Variants in PIBF1 observed in about 807,000 individuals in gnomAD.
The protein encoded by PIBF1 is progesterone immunomodulatory binding factor 1.
In PIBF1, 90 loss-of-function variants were observed where a neutral mutation model predicts 112.5. The observed-to-expected ratio is 0.80, with a 90% CI of 0.67 to 0.95. The LOEUF (loss-of-function observed/expected upper bound fraction) is 0.95, where lower values mean the gene tolerates loss of function less well. Among genes scored for constraint, PIBF1 ranks in the 40% least tolerant of loss-of-function variants. The pLI, the probability that PIBF1 is intolerant of heterozygous loss-of-function variation, is 0.00. For synonymous variants in PIBF1, 301 were observed against 288.6 expected, an observed-to-expected ratio of 1.04 and a Z score of -0.44; for missense variants, 915 against 852.3, an observed-to-expected ratio of 1.07 and a Z score of -0.92.
intron 16 of PIBF1, among the ~76,000 whole-genome samples, chr13:72,987,978 T>C (rs2043360980): frequency 6.7e-6 from 1 of 148,968 alleles, no homozygotes; most frequent in Non-Finnish European, 1.5e-5. Context: ...TTCTCCTGCC[T>C]CAGCCTCCCA....
At chr13:72,931,109 A>G (rs1270243408) in intron 13 of PIBF1, 56 bp from the exon 14 acceptor site, 3 of 968,422 alleles carry the variant, frequency 3.1e-6, no homozygotes, top group East Asian at 2.4e-5. Flanking sequence ...CACATTTTGA[A>G]TATTTTGGGC....
chr13:72,879,457 C>T (rs1226796686), intron 10 of PIBF1, among the ~76,000 whole-genome samples: 4 of 152,064 alleles, frequency 2.6e-5, no homozygotes, highest in Admixed American at 2.0e-4. Context: ...GAAATAAACC[C>T]TTGTTGGATA....
At chr13:72,991,251 A>C (rs2043468860) in intron 16 of PIBF1, among the ~76,000 whole-genome samples, 1 of 151,720 alleles carries the variant, frequency 6.6e-6, no homozygotes, top group Non-Finnish European at 1.5e-5. Context: ...AGAACAGTTT[A>C]TCTCTCTCAT....
chr13:72,859,036 A>G (rs1056923601), intron 10 of PIBF1, among the ~76,000 whole-genome samples: 1 of 152,196 alleles, frequency 6.6e-6, no homozygotes, highest in Non-Finnish European at 1.5e-5. Context: ...GGATGTAAGT[A>G]CTTTGATAAA....
chr13:72,819,805 A>C (rs1381588462), intron 5 of PIBF1, among the ~76,000 whole-genome samples: 1 of 152,124 alleles, frequency 6.6e-6, no homozygotes, highest in Non-Finnish European at 1.5e-5. Flanking sequence ...GTTCTCGGTA[A>C]TATTTCTTAG....
At chr13:72,802,132 T>G (rs1177397297) in intron 5 of PIBF1, among the ~76,000 whole-genome samples, 1 of 152,206 alleles carries the variant, frequency 6.6e-6, no homozygotes, top group Non-Finnish European at 1.5e-5. Context: ...GTAGTTAAGT[T>G]TTCAGTGAGT....
intron 5 of PIBF1, among the ~76,000 whole-genome samples, chr13:72,799,403 A>G (rs1023505430): frequency 2.0e-5 from 3 of 152,228 alleles, no homozygotes; most frequent in Non-Finnish European, 4.4e-5. Flanking sequence ...TTCAGACAAA[A>G]TAAGAAGGCT....
At chr13:72,801,940 T>C (rs959301579) in intron 5 of PIBF1, among the ~76,000 whole-genome samples, 5 of 152,218 alleles carry the variant, frequency 3.3e-5, no homozygotes, top group African/African-American at 1.2e-4. Flanking sequence ...TGTAAACAAA[T>C]TATGTAAAAC....
intron 10 of PIBF1, among the ~76,000 whole-genome samples, chr13:72,865,186 GATAATA>G (rs2038872913): frequency 6.6e-6 from 1 of 152,206 alleles, no homozygotes; most frequent in African/African-American, 2.4e-5. Context: ...ATGTATCCTA[GATAATA>G]ATAAAGTTAA....
intron 16 of PIBF1, among the ~76,000 whole-genome samples, chr13:72,975,473 T>G (rs2042998065): frequency 6.6e-6 from 1 of 152,208 alleles, no homozygotes; most frequent in African/African-American, 2.4e-5. Flanking sequence ...AGAGGGGAAC[T>G]GGAAACTATT....
At chr13:72,783,939 T>TCTCCCAAC (rs2034448966) in intron 2 of PIBF1, among the ~76,000 whole-genome samples, 3 of 152,074 alleles carry the variant, frequency 2.0e-5, no homozygotes, top group Non-Finnish European at 4.4e-5. Context: ...GTTGGGGAGA[T>TCTCCCAAC]GTTGGTCAAA....
chr13:72,893,891 C>G lies in PIBF1; in HGVS notation c.1430C>G (p.Thr477Arg). The change falls in exon 11 of 18, where the codon ACA (threonine) becomes AGA (arginine). Residue 477 changes from threonine to arginine, a missense_variant. By Grantham distance (71) the Thr-to-Arg change is moderately conservative (BLOSUM62 -1). Coordinates refer to ENST00000326291, the MANE Select transcript of PIBF1 (RefSeq NM_006346.4). The stretch of plus-strand genomic sequence containing the variant: ...CGTGTTCAACTTCTGCAAGAGGAAA[C>G]AGCAAGAAATCTCACACAGTGTCAA... ...SERVQLLQEETARNLTQCQLE... is the reference protein window; with the variant it reads ...SERVQLLQEERARNLTQCQLE... 1 of 1,608,480 alleles carries G rather than the reference C, an allele frequency of 6.2e-7. No homozygotes were observed. Among genetic ancestry groups the G allele is most frequent in the Non-Finnish European group, 8.5e-7 (1 of 1,177,368 alleles).
chr13:72,979,496 G>A (rs2043102878), intron 16 of PIBF1, among the ~76,000 whole-genome samples: 1 of 152,156 alleles, frequency 6.6e-6, no homozygotes, highest in Admixed American at 6.6e-5. Flanking sequence ...CATGGCTCTT[G>A]GAGCTGTAGA....
chr13:72,881,986 A>G (rs1042812996), intron 10 of PIBF1, among the ~76,000 whole-genome samples: 2 of 152,192 alleles, frequency 1.3e-5, no homozygotes, highest in African/African-American at 2.4e-5. Context: ...AGCCAAAGCT[A>G]TCCTACGCAA....
At chr13:72,939,432 G>A (rs552881910) in intron 14 of PIBF1, among the ~76,000 whole-genome samples, 4 of 152,112 alleles carry the variant, frequency 2.6e-5, no homozygotes, top group South Asian at 2.1e-4. Flanking sequence ...CTTTATTTCT[G>A]TGGATTTACT....
chr13:72,837,144 T>C (rs1392633176), intron 9 of PIBF1, among the ~76,000 whole-genome samples: 1 of 152,132 alleles, frequency 6.6e-6, no homozygotes, highest in Non-Finnish European at 1.5e-5. Flanking sequence ...ACTAAAAATA[T>C]GCTTTAGGCA....
intron 14 of PIBF1, among the ~76,000 whole-genome samples, chr13:72,956,748 G>A (rs958341106): frequency 6.6e-6 from 1 of 152,092 alleles, no homozygotes; most frequent in Non-Finnish European, 1.5e-5. Flanking sequence ...TACACCTCAG[G>A]AGAGATTCTA....
chr13:72,904,433 CTTTTTTTTTTTTT>C lies in PIBF1; in HGVS notation c.1489-4085_1489-4073del, dbSNP rs71099767. ...ATTTATCCAAAATATCAAAATATTT[CTTTTTTTTTTTTT>C]TTTTTTTTTTTTGAGGAGGAGTCCT... On this transcript the variant is annotated intron_variant, in intron 11 of 17. Coordinates refer to ENST00000326291, the MANE Select transcript of PIBF1 (RefSeq NM_006346.4). 1.3e-3 allele frequency among the ~76,000 whole-genome samples: 49 copies of C among 36,562 alleles called. 1 individual carries two copies. The highest frequency in any genetic ancestry group is 1.9e-3 in the Non-Finnish European group (42 of 21,728). The allele number at this position is 36,562 out of a possible 152,430, so 24.0% of individuals were successfully genotyped here. A position where few individuals can be genotyped will look rare whatever the true frequency, so the allele number is the denominator to read the frequency against.
chr13:72,844,936 T>C (rs1015166097), intron 9 of PIBF1, among the ~76,000 whole-genome samples: 9 of 151,792 alleles, frequency 5.9e-5, no homozygotes, highest in Non-Finnish European at 7.4e-5. Flanking sequence ...ATTTATAATT[T>C]TTGAAGTTAG....
Sources: allele counts gnomAD v4.1 joint callset (sites outside exome capture counted in the v4.1 genomes callset), GRCh38; gene constraint gnomAD v4.1.1; transcripts MANE v1.5; gene names NCBI Gene and HGNC (gene_info 2026-07-23, HGNC 2026-07-21).